Variants in RAB27B observed in about 807,000 individuals in gnomAD.
RAB27B encodes RAB27B, member RAS oncogene family.
In RAB27B, 15 loss-of-function variants were observed where a neutral mutation model predicts 24.6. The observed-to-expected ratio is 0.61, with a 90% CI of 0.41 to 0.94. The LOEUF (loss-of-function observed/expected upper bound fraction) is 0.94. Among genes scored for constraint, RAB27B ranks in the 40% least tolerant of loss-of-function variants. The probability of loss-of-function intolerance (pLI) is 0.00; values close to 1 mark genes in which losing one functional copy is unlikely to be tolerated. For missense variants in RAB27B, 261 were observed against 266.8 expected (o/e 0.98, Z 0.15); for synonymous variants, 105 against 92.5 (o/e 1.14, Z -0.78).
At chr18:54,879,330 T>C in intron 2 of RAB27B, 39 bp from the exon 3 acceptor site, 2 of 1,527,690 alleles carry the variant, frequency 1.3e-6, no homozygotes, top group Non-Finnish European at 1.8e-6. Context: ...GCTGACAAAA[T>C]CCAAAGCAAC....
At chr18:54,764,060 G>C (rs1016601083) in intron 2 of RAB27B, among the ~76,000 whole-genome samples, 1 of 151,994 alleles carries the variant, frequency 6.6e-6, no homozygotes, top group African/African-American at 2.4e-5. Flanking sequence ...TCTCTGTCTT[G>C]CCCATTATAT....
At chr18:54,843,750 T>C (rs1396236291) in intron 1 of RAB27B, among the ~76,000 whole-genome samples, 1 of 152,238 alleles carries the variant, frequency 6.6e-6, no homozygotes, top group Non-Finnish European at 1.5e-5. Context: ...ATGAGGATTA[T>C]TTCTATTCTT....
chr18:54,750,605 G>A (rs956626234), intron 2 of RAB27B, among the ~76,000 whole-genome samples: 1 of 152,172 alleles, frequency 6.6e-6, no homozygotes, highest in Non-Finnish European at 1.5e-5. Flanking sequence ...AAGTACTGTG[G>A]AAGCATCAGA....
rs1056086425 is a variant in RAB27B at position 54,890,927 on chromosome 18, C to T, written c.*1514C>T. 1.3e-5 allele frequency: 2 copies of T among 151,974 alleles called. No individual in the cohort carries two copies. The highest frequency in any genetic ancestry group is 2.9e-5 in the Non-Finnish European group (2 of 67,994). The allele number at this position is 151,974 out of a possible 1,614,324, so 9.4% of individuals were successfully genotyped here. On this transcript the variant is annotated 3_prime_UTR_variant, in exon 6 of 6. Coordinates refer to ENST00000262094, the MANE Select transcript of RAB27B (RefSeq NM_004163.4). ...TAGTTTCTGATAAACACAAGCCATT[C>T]CTATCAAAATATTATTTATTTCAGT...
intron 2 of RAB27B, among the ~76,000 whole-genome samples, chr18:54,751,655 T>C (rs1009961097): frequency 6.6e-6 from 1 of 152,154 alleles, no homozygotes; most frequent in Non-Finnish European, 1.5e-5. Context: ...CCAGAGCATA[T>C]TCATGGACTC....
intron 2 of RAB27B, among the ~76,000 whole-genome samples, chr18:54,821,737 A>AC (rs1910317456): frequency 6.6e-6 from 1 of 152,122 alleles, no homozygotes; most frequent in African/African-American, 2.4e-5. Flanking sequence ...CTATCATCAA[A>AC]CCTTAATTAG....
chr18:54,719,934 A>T (rs1430658231), intron 2 of RAB27B, among the ~76,000 whole-genome samples: 2 of 152,070 alleles, frequency 1.3e-5, no homozygotes, highest in Non-Finnish European at 2.9e-5. Flanking sequence ...AATTTTAAAT[A>T]ACTTCATTTT....
At chr18:54,767,331 T>C (rs1908395493) in intron 2 of RAB27B, among the ~76,000 whole-genome samples, 1 of 152,258 alleles carries the variant, frequency 6.6e-6, no homozygotes. Flanking sequence ...GTGGGCAGTA[T>C]TGATTTTTCT....
rs2145028572 is a variant in RAB27B at position 54,749,380 on chromosome 18, C to T, written c.-20+31239C>T. ...GTTTTGGAGAATCATTTTCTGAGCC[C>T]CAGTGGCAGCTTGACTTCACCAAAG... On this transcript the variant is annotated intron_variant, in intron 2 of 4. Transcript: ENST00000586570. Among the ~76,000 whole-genome samples, 2 of 152,226 alleles carry T rather than the reference C, an allele frequency of 1.3e-5. 1 individual carries two copies. Among genetic ancestry groups the T allele is most frequent in the South Asian group, 4.2e-4 (2 of 4,810 alleles).
chr18:54,827,524 T>C (rs1202319932), upstream of RAB27B, among the ~76,000 whole-genome samples: 2 of 152,228 alleles, frequency 1.3e-5, no homozygotes, highest in Non-Finnish European at 2.9e-5. Context: ...TGTTTTGGTT[T>C]GGGCTATTCC....
At chr18:54,794,935 CT>C (rs1273001237) in intron 2 of RAB27B, among the ~76,000 whole-genome samples, 1 of 149,802 alleles carries the variant, frequency 6.7e-6, no homozygotes, top group Non-Finnish European at 1.5e-5. Flanking sequence ...ATATTTGTTA[CT>C]TTTTTTGACT....
At chr18:54,797,536 A>G (rs900915299) in intron 2 of RAB27B, among the ~76,000 whole-genome samples, 1 of 152,180 alleles carries the variant, frequency 6.6e-6, no homozygotes, top group Non-Finnish European at 1.5e-5. Context: ...AAGATATAAA[A>G]TAAAATGCAA....
chr18:54,765,853 C>T (rs1209348265), intron 2 of RAB27B, among the ~76,000 whole-genome samples: 1 of 152,140 alleles, frequency 6.6e-6, no homozygotes, highest in Non-Finnish European at 1.5e-5. Flanking sequence ...GATAAGGCAA[C>T]TTACTAATGT....
chr18:54,747,604 T>C (rs1460258231), intron 2 of RAB27B, among the ~76,000 whole-genome samples: 1 of 152,216 alleles, frequency 6.6e-6, no homozygotes, highest in Admixed American at 6.5e-5. Context: ...GACATTTCAG[T>C]GCACATGTGT....
chr18:54,844,408 C>CTTTTTT (rs148747981), intron 1 of RAB27B, among the ~76,000 whole-genome samples: 7 of 107,876 alleles, frequency 6.5e-5, no homozygotes, highest in African/African-American at 1.3e-4. Flanking sequence ...CTTTTCTTTT[C>CTTTTTT]TTTTTTTTTT....
At chr18:54,813,664 C>T (rs1006856801) in intron 2 of RAB27B, among the ~76,000 whole-genome samples, 1 of 152,184 alleles carries the variant, frequency 6.6e-6, no homozygotes, top group South Asian at 2.1e-4. Context: ...GTACAGTCTG[C>T]AGAACCATGA....
At chr18:54,790,354 A>C (rs1046259103) in intron 2 of RAB27B, among the ~76,000 whole-genome samples, 2 of 152,140 alleles carry the variant, frequency 1.3e-5, no homozygotes, top group African/African-American at 4.8e-5. Flanking sequence ...GAATGAGTGC[A>C]TTTTTGAAAA....
rs568291380 is a variant in RAB27B, at chr18:54,817,473, C to G, written c.-19-60094C>G. 2.0e-5 allele frequency among the ~76,000 whole-genome samples: 3 copies of G among 152,178 alleles called. No homozygotes were observed. In the South Asian group the frequency reaches 6.2e-4, roughly 32 times the overall value. On this transcript the variant is annotated intron_variant, in intron 2 of 4. Coordinates refer to the RAB27B transcript ENST00000586570. ...TGTATGCATCACTCTGTTCTACTAC[C>G]AATAAATATTTTATCATAAATCTTT...
intron 2 of RAB27B, among the ~76,000 whole-genome samples, chr18:54,757,007 A>C (rs1212665556): frequency 1.3e-5 from 2 of 152,158 alleles, no homozygotes; most frequent in East Asian, 1.9e-4. Context: ...ACCTGCAATG[A>C]TCGCTAGAGG....
Sources: gnomAD v4.1 joint callset for allele counts (sites outside exome capture counted in the v4.1 genomes callset) on GRCh38, gnomAD v4.1.1 for gene constraint, MANE v1.5 for transcripts, NCBI Gene and HGNC (gene_info 2026-07-23, HGNC 2026-07-21) for gene names.